Variants in NAV2 observed in about 807,000 individuals in gnomAD.
The protein encoded by NAV2 is helicase, APC down-regulated 1.
A neutral mutation model predicts 223.2 loss-of-function variants in NAV2; 54 were observed. That is an observed-to-expected ratio of 0.24 (90% CI 0.19 to 0.30). The LOEUF is 0.30. NAV2 is among the 10% of genes least tolerant of loss of function. NAV2 has a pLI of 1.00. For missense variants in NAV2, 2,806 were observed against 3,147.5 expected, an observed-to-expected ratio of 0.89 and a Z score of 2.60; for synonymous variants, 1,279 against 1,239.3, an observed-to-expected ratio of 1.03 and a Z score of -0.67.
intron 1 of NAV2, among the ~76,000 whole-genome samples, chr11:19,381,797 ATGG>A (rs1440219806): frequency 1.3e-5 from 2 of 152,206 alleles, no homozygotes; most frequent in Non-Finnish European, 2.9e-5. Flanking sequence ...GCCTTCACAA[ATGG>A]AGGCTGGAGC....
chr11:19,679,425 T>C (rs55974238), intron 1 of NAV2, among the ~76,000 whole-genome samples: 99,516 of 135,952 alleles, frequency 0.73, 40,953 homozygotes, highest in Non-Finnish European at 0.91. Flanking sequence ...AACGAGACTC[T>C]GTCTCAAAAA....
At position 20,114,773 on chromosome 11, in the gene NAV2, G is replaced by A. The variant is rs1232121547; in HGVS notation, c.7142G>A (p.Ser2381Asn). Residue 2381 changes from serine (S) to asparagine (N), a missense_variant, in exon 37 of 38, where the codon AGT (serine) becomes AAT (asparagine). Physicochemically the swap from Ser to Asn is conservative, Grantham distance 46. Around this residue, in one of 4 missense-constraint regions of NAV2, gnomAD observed 824 missense variants for 1,069.4 expected, o/e 0.77. Transcript: ENST00000349880. The stretch of plus-strand genomic sequence containing the variant: ...TCGACAAGCAAGCAGATGCCCCCCA[G>A]TGATGCTGAAGGTGACCCGCTGGTG... ...EGSTSKQMPP[S>N]DAEGDPLMNM... The A allele has an allele frequency of 3.1e-6, 5 of 1,613,682 alleles. No homozygotes were observed. The South Asian group carries it at 4.4e-5, about 14-fold the overall frequency.
chr11:19,602,282 A>G (rs1427916364), intron 1 of NAV2, among the ~76,000 whole-genome samples: 1 of 145,232 alleles, frequency 6.9e-6, no homozygotes, highest in African/African-American at 2.6e-5. Flanking sequence ...AGTTCAGGCT[A>G]TTTTCCTGCC....
At chr11:19,598,628 C>T (rs1337666820) in intron 1 of NAV2, among the ~76,000 whole-genome samples, 3 of 151,978 alleles carry the variant, frequency 2.0e-5, no homozygotes, top group African/African-American at 7.3e-5. Context: ...TACTATCAGC[C>T]CTCATTTGCA....
chr11:20,048,904 T>C lies in NAV2; in HGVS notation c.4079T>C (p.Val1360Ala), dbSNP rs1209654663. 1 of 1,614,198 alleles carries C rather than the reference T, an allele frequency of 6.2e-7. No homozygotes were observed. ...AGCAGTCCTCTCTACAGCAAGAATGTGGACCTCAACCAGTCTCCGCTAGCC... is the reference window on the plus strand; with the variant it reads ...AGCAGTCCTCTCTACAGCAAGAATGCGGACCTCAACCAGTCTCCGCTAGCC... ...GSSSPLYSKN[V>A]DLNQSPLASS... The change falls in exon 15 of 38, where the codon GTG (valine) becomes GCG (alanine). Residue 1360 changes from valine (V) to alanine (A), a missense_variant. By Grantham distance (64) the Val-to-Ala change is moderately conservative. Coordinates refer to ENST00000349880, the MANE Select transcript of NAV2 (RefSeq NM_145117.5).
At chr11:19,935,946 C>A (rs965668028) in intron 7 of NAV2, among the ~76,000 whole-genome samples, 2 of 142,818 alleles carry the variant, frequency 1.4e-5, no homozygotes, top group Non-Finnish European at 3.0e-5. Context: ...CAACCTCTGC[C>A]TCCCAGGTAC....
chr11:19,869,112 T>G, intron 4 of NAV2, 115 bp downstream of exon 4: 1 of 994,712 alleles, frequency 1.0e-6, no homozygotes, highest in Non-Finnish European at 1.5e-6. Flanking sequence ...CTCCTCTGGT[T>G]TTGTTTTCCT....
chr11:19,355,058 T>C lies in NAV2; in HGVS notation c.75+4031T>C, dbSNP rs569171698. 2.6e-5 allele frequency among the ~76,000 whole-genome samples: 4 copies of C among 152,296 alleles called. No individual in the cohort carries two copies. In the East Asian group the frequency reaches 7.7e-4, roughly 29 times the overall value. ...GCATAGAGAAATTCAATGAGGTAAG[T>C]ATTGTTCAGTGCTCTAAGAACCTAC... On this transcript the variant is annotated intron_variant, in intron 1 of 37. Transcript: ENST00000360655.
rs560079524 is a variant in NAV2 at position 19,880,065 on chromosome 11, G to A, written c.708G>A (p.Pro236=). The change falls in exon 5 of 38, where the codon CCG becomes CCA. Residue 236 remains proline (P), a synonymous_variant. Coordinates refer to ENST00000349880, the MANE Select transcript of NAV2 (RefSeq NM_145117.5). ...QQQVPVTPQA[P]CQPHQPAPHQ... ...AGGTGCCAGTCACTCCCCAAGCCCC[G>A]TGCCAGCCTCACCAGCCAGCGCCAC... The A allele has an allele frequency of 2.7e-5, 44 of 1,612,718 alleles. 1 individual carries two copies. The East Asian group carries it at 5.1e-4, about 19-fold the overall frequency.
intron 1 of NAV2, among the ~76,000 whole-genome samples, chr11:19,639,532 T>C (rs567814761): frequency 1.1e-4 from 16 of 152,370 alleles, no homozygotes; most frequent in African/African-American, 3.6e-4. Context: ...TTTCCAGTTT[T>C]TAATAAGGTT....
At chr11:20,095,602 GAGTCCTCTGCTGAACTGAGT>G in intron 29 of NAV2, 50 bp from the exon 30 acceptor site, 1 of 1,086,900 alleles carries the variant, frequency 9.2e-7, no homozygotes, top group Admixed American at 1.7e-5. Context: ...AAGGCAACCT[GAGTCCTCTGCTGAACTGAGT>G]CAGAAAAGAT....
chr11:19,460,143 T>G (rs1161605515), intron 1 of NAV2, among the ~76,000 whole-genome samples: 1 of 152,224 alleles, frequency 6.6e-6, no homozygotes, highest in Non-Finnish European at 1.5e-5. Flanking sequence ...CTCAGCATGG[T>G]GTTTCACACA....
chr11:19,718,320 A>T (rs1315481813), intron 1 of NAV2, among the ~76,000 whole-genome samples: 2 of 152,234 alleles, frequency 1.3e-5, no homozygotes, highest in Non-Finnish European at 2.9e-5. Flanking sequence ...TATTTTTAAG[A>T]AGCAGTTGCA....
chr11:19,594,909 G>A (rs1248095856), intron 1 of NAV2, among the ~76,000 whole-genome samples: 1 of 152,140 alleles, frequency 6.6e-6, no homozygotes, highest in Admixed American at 6.6e-5. Context: ...CAAGATGAAC[G>A]TGATTAGTAA....
At chr11:19,764,872 T>G (rs2055078570) in intron 1 of NAV2, among the ~76,000 whole-genome samples, 1 of 152,198 alleles carries the variant, frequency 6.6e-6, no homozygotes, top group Non-Finnish European at 1.5e-5. Context: ...GCCCAGTTGT[T>G]CAAACTAAAA....
intron 1 of NAV2, among the ~76,000 whole-genome samples, chr11:19,695,753 A>G (rs1205891538): frequency 6.6e-6 from 1 of 150,808 alleles, no homozygotes; most frequent in Admixed American, 6.6e-5. Flanking sequence ...AAAATATAAA[A>G]ATTAGCCAGG....
At chr11:19,490,947 G>T (rs543597115) in intron 1 of NAV2, among the ~76,000 whole-genome samples, 2 of 152,146 alleles carry the variant, frequency 1.3e-5, no homozygotes, top group Admixed American at 6.6e-5. Context: ...CAGAAAAATA[G>T]CATTAATATC....
chr11:19,845,535 C>T (rs2060756159), intron 3 of NAV2, among the ~76,000 whole-genome samples: 1 of 152,134 alleles, frequency 6.6e-6, no homozygotes, highest in Non-Finnish European at 1.5e-5. Context: ...ATAATAGAGA[C>T]AAAAGGAGTT....
At chr11:19,552,922 A>G (rs7110926) in intron 1 of NAV2, among the ~76,000 whole-genome samples, 59,272 of 150,042 alleles carry the variant, frequency 0.4, 15,383 homozygotes, top group African/African-American at 0.74. Context: ...GCTGGATGGG[A>G]GTGCTGAGAC....
Sources: gnomAD v4.1 joint callset for allele counts (sites outside exome capture counted in the v4.1 genomes callset) on GRCh38, gnomAD v4.1.1 for gene constraint, gnomAD v4.1.1 regional missense constraint, MANE v1.5 for transcripts, NCBI Gene and HGNC (gene_info 2026-07-23, HGNC 2026-07-21) for gene names.